CNTNAP4: variants seen among roughly 807,000 people sequenced by gnomAD.
CNTNAP4 encodes contactin associated protein family member 4, also known as contactin-associated protein-like 4.
In CNTNAP4, 98 loss-of-function variants were observed where a neutral mutation model predicts 148.4. The observed-to-expected ratio is 0.66, with a 90% CI of 0.56 to 0.78. The LOEUF is 0.78. Among genes scored for constraint, CNTNAP4 ranks in the 30% least tolerant of loss-of-function variants. The probability of loss-of-function intolerance (pLI) is 0.00; values close to 1 mark genes in which losing one functional copy is unlikely to be tolerated. For synonymous variants in CNTNAP4, 730 were observed against 565.1 expected (o/e 1.29, Z -4.14); for missense variants, 1,935 against 1,565.6 (o/e 1.24, Z -3.98).
intron 9 of CNTNAP4, among the ~76,000 whole-genome samples, chr16:76,462,727 G>A (rs1335043969): frequency 1.3e-5 from 2 of 152,134 alleles, no homozygotes; most frequent in Admixed American, 1.3e-4. Flanking sequence ...CTAAAAAATG[G>A]AAATGAATTT....
chr16:76,283,044 C>A (rs1003200711), intron 1 of CNTNAP4, among the ~76,000 whole-genome samples: 18 of 151,736 alleles, frequency 1.2e-4, no homozygotes, highest in Non-Finnish European at 2.7e-4. Context: ...AAGAGCTTAA[C>A]TGAAATATGA....
At chr16:76,304,128 C>A (rs1049157033) in intron 1 of CNTNAP4, among the ~76,000 whole-genome samples, 1 of 152,060 alleles carries the variant, frequency 6.6e-6, no homozygotes, top group Non-Finnish European at 1.5e-5. Context: ...TCATTTAATT[C>A]TCAGAAATCC....
intron 17 of CNTNAP4, among the ~76,000 whole-genome samples, chr16:76,527,710 A>G (rs780749174): frequency 5.9e-5 from 9 of 152,186 alleles, no homozygotes; most frequent in Non-Finnish European, 1.2e-4. Context: ...ATTGTATGGT[A>G]TTTGAGATTT....
At position 76,448,330 on chromosome 16, in the gene CNTNAP4, G is replaced by A. The variant is rs1285310635; in HGVS notation, c.742+115G>A. 4 of 702,762 alleles carry A rather than the reference G, an allele frequency of 5.7e-6. No homozygotes were observed. The African/African-American group carries it at 7.2e-5, about 13-fold the overall frequency. The allele number at this position is 702,762 out of a possible 1,614,324, so 43.5% of individuals were successfully genotyped here. On this transcript the variant is annotated intron_variant, in intron 5 of 23. Coordinates refer to ENST00000611870, the MANE Select transcript of CNTNAP4 (RefSeq NM_033401.5). ...CAGAGTGCCTTATTTTCAGATTCAA[G>A]GGCTTGTACATATGTCAATATTGCT...
At chr16:76,342,465 C>CTTTTTTT (rs397854943) in intron 2 of CNTNAP4, among the ~76,000 whole-genome samples, 141 of 91,512 alleles carry the variant, frequency 1.5e-3, no homozygotes, top group Non-Finnish European at 1.9e-3. Flanking sequence ...TTGCTAATTT[C>CTTTTTTT]TTTTTTTTTT....
At chr16:76,408,189 A>C (rs1668914082) in intron 3 of CNTNAP4, among the ~76,000 whole-genome samples, 1 of 152,090 alleles carries the variant, frequency 6.6e-6, no homozygotes, top group Non-Finnish European at 1.5e-5. Flanking sequence ...GATGTGATGA[A>C]ATTTATTGCA....
chr16:76,285,482 T>G (rs1958842722), intron 1 of CNTNAP4, among the ~76,000 whole-genome samples: 1 of 152,042 alleles, frequency 6.6e-6, no homozygotes, highest in Non-Finnish European at 1.5e-5. Flanking sequence ...TAGCTCTAAT[T>G]GCTTTTTTTA....
chr16:76,403,454 A>G (rs1597434354), intron 3 of CNTNAP4, among the ~76,000 whole-genome samples: 2 of 152,328 alleles, frequency 1.3e-5, no homozygotes, highest in Admixed American at 6.5e-5. Context: ...AAATCCCAAT[A>G]TCACTGATCA....
chr16:76,481,479 A>G (rs1424867347), intron 12 of CNTNAP4, among the ~76,000 whole-genome samples: 10 of 152,188 alleles, frequency 6.6e-5, no homozygotes, highest in Non-Finnish European at 1.5e-4. Flanking sequence ...CAGGAGTTCG[A>G]GACCAGGCTG....
At chr16:76,380,529 T>A (rs1383784590) in intron 3 of CNTNAP4, among the ~76,000 whole-genome samples, 1 of 152,232 alleles carries the variant, frequency 6.6e-6, no homozygotes, top group Non-Finnish European at 1.5e-5. Flanking sequence ...TTTTCCCCAT[T>A]TTAAAAATGC....
chr16:76,502,127 T>C (rs1311626702), intron 15 of CNTNAP4, among the ~76,000 whole-genome samples: 4 of 152,166 alleles, frequency 2.6e-5, no homozygotes, highest in Admixed American at 6.5e-5. Context: ...CTAATTAATC[T>C]CTGACTTATT....
At chr16:76,495,813 A>G (rs1205793549) in intron 14 of CNTNAP4, among the ~76,000 whole-genome samples, 1 of 152,072 alleles carries the variant, frequency 6.6e-6, no homozygotes, top group Non-Finnish European at 1.5e-5. Context: ...TTTAACAAAT[A>G]TTCATAGTCA....
intron 3 of CNTNAP4, among the ~76,000 whole-genome samples, chr16:76,410,325 A>G (rs1371322526): frequency 6.6e-6 from 1 of 151,814 alleles, no homozygotes; most frequent in Non-Finnish European, 1.5e-5. Context: ...GAGTAGAAGA[A>G]ATATTTCCCA....
At position 76,387,509 on chromosome 16, in the gene CNTNAP4, T is replaced by C. The variant is rs144155817; in HGVS notation, c.390+31998T>C. 4.3e-4 allele frequency among the ~76,000 whole-genome samples: 66 copies of C among 152,332 alleles called. No homozygotes were observed. The East Asian group carries it at 0.01, about 24-fold the overall frequency. ...TTGAGTGCAAGATAAATTAGTGCTT[T>C]ATATATTTTAAATCATGTACTAAGT... On this transcript the variant is annotated intron_variant, in intron 3 of 23. Transcript: ENST00000611870.
chr16:76,414,739 T>G (rs576430584), intron 3 of CNTNAP4, among the ~76,000 whole-genome samples: 1 of 151,486 alleles, frequency 6.6e-6, no homozygotes, highest in African/African-American at 2.4e-5. Context: ...CTCATCTGTT[T>G]TGGTAAGTGG....
intron 1 of CNTNAP4, among the ~76,000 whole-genome samples, chr16:76,293,465 C>T (rs979992871): frequency 2.6e-5 from 4 of 152,112 alleles, no homozygotes; most frequent in African/African-American, 9.7e-5. Flanking sequence ...TATTTATGAG[C>T]TGTTTTCTAG....
intron 21 of CNTNAP4, among the ~76,000 whole-genome samples, chr16:76,552,210 A>G (rs1179752062): frequency 2.0e-5 from 3 of 152,286 alleles, no homozygotes; most frequent in African/African-American, 4.8e-5. Context: ...ACTCACTATC[A>G]CAATAACAGC....
At chr16:76,479,664 G>T in intron 12 of CNTNAP4, 126 bp downstream of exon 12, 1 of 893,558 alleles carries the variant, frequency 1.1e-6, no homozygotes. Flanking sequence ...TTGTTCCTTA[G>T]AAAAACTGAA....
chr16:76,303,859 T>A (rs1027199990), intron 1 of CNTNAP4, among the ~76,000 whole-genome samples: 2 of 152,064 alleles, frequency 1.3e-5, no homozygotes, highest in Non-Finnish European at 2.9e-5. Flanking sequence ...TTCAGTAAAA[T>A]CCCCTTTTTT....
Sources: allele counts gnomAD v4.1 joint callset (sites outside exome capture counted in the v4.1 genomes callset), GRCh38; gene constraint gnomAD v4.1.1; transcripts MANE v1.5; gene names NCBI Gene and HGNC (gene_info 2026-07-23, HGNC 2026-07-21).